Variants in UNC13B observed in about 807,000 individuals in gnomAD.
UNC13B encodes protein unc-13 homolog B.
A neutral mutation model predicts 211.0 loss-of-function variants in UNC13B; 144 were observed. The ratio of observed to expected loss-of-function variants is 0.68; its 90% CI spans 0.60 to 0.78. The LOEUF (loss-of-function observed/expected upper bound fraction) is 0.78. UNC13B is among the 30% of genes least tolerant of loss of function. The probability of loss-of-function intolerance (pLI) is 0.00; values close to 1 mark genes in which losing one functional copy is unlikely to be tolerated. For synonymous variants in UNC13B, 709 were observed against 725.8 expected, an observed-to-expected ratio of 0.98 and a Z score of 0.37; for missense variants, 1,777 against 2,002.0, an observed-to-expected ratio of 0.89 and a Z score of 2.14.
chr9:35,256,840 C>T (rs1429699580), intron 6 of UNC13B, among the ~76,000 whole-genome samples: 1 of 151,972 alleles, frequency 6.6e-6, no homozygotes, highest in East Asian at 1.9e-4. Context: ...ATGAAATTGG[C>T]CTGTAATTTT....
rs1409589422 is a variant in UNC13B, at chr9:35,218,828, C to T, written c.23-9187C>T. ...GCAATGGTGCAATCTTGGCTCACTG[C>T]AGCCTCTGCTTCCCGGGTTCAAGTG... On this transcript the variant is annotated intron_variant, in intron 1 of 39. Coordinates refer to ENST00000635942, the MANE Select transcript of UNC13B (RefSeq NM_001371189.2). Among the ~76,000 whole-genome samples, 6 of 151,988 alleles carry T rather than the reference C, an allele frequency of 3.9e-5. No individual in the cohort carries two copies. The South Asian group carries it at 1.0e-3, about 26-fold the overall frequency.
At chr9:35,192,093 A>G (rs1822690908) in intron 1 of UNC13B, among the ~76,000 whole-genome samples, 1 of 152,198 alleles carries the variant, frequency 6.6e-6, no homozygotes, top group Non-Finnish European at 1.5e-5. Flanking sequence ...TTTTGCCCAC[A>G]TGTCAGGCTT....
chr9:35,290,152 T>C (rs961695879), intron 7 of UNC13B, among the ~76,000 whole-genome samples: 2 of 152,094 alleles, frequency 1.3e-5, no homozygotes, highest in African/African-American at 4.8e-5. Flanking sequence ...ATAAAAAATA[T>C]TTTCAATTTT....
chr9:35,176,500 A>G (rs1303804949), intron 1 of UNC13B, among the ~76,000 whole-genome samples: 3 of 152,176 alleles, frequency 2.0e-5, no homozygotes, highest in Non-Finnish European at 2.9e-5. Flanking sequence ...GTGAGCTGAA[A>G]TCGCACCACT....
chr9:35,203,692 G>C lies in UNC13B; in HGVS notation c.23-24323G>C, dbSNP rs547849728. Among the ~76,000 whole-genome samples the C allele has an allele frequency of 4.6e-5, 7 of 152,340 alleles. No individual in the cohort carries two copies. In the East Asian group the frequency reaches 9.6e-4, roughly 21 times the overall value. On this transcript the variant is annotated intron_variant, in intron 1 of 39. Transcript: ENST00000635942. ...TTCCAACCAGCAGAGTATTCAAGAT[G>C]TGGCCTGGCTGCTTCTAACAGCCTG...
intron 7 of UNC13B, among the ~76,000 whole-genome samples, chr9:35,281,338 C>A (rs1236475318): frequency 2.0e-5 from 3 of 149,460 alleles, no homozygotes; most frequent in African/African-American, 7.4e-5. Context: ...ATTGCTTGAA[C>A]GCTAGGGGCA....
intron 1 of UNC13B, among the ~76,000 whole-genome samples, chr9:35,209,641 G>C (rs1823857613): frequency 1.3e-5 from 2 of 152,340 alleles, no homozygotes; most frequent in Middle Eastern, 6.8e-3. Flanking sequence ...GCCTCCCAAA[G>C]TGCTGGGATT....
At chr9:35,315,419 T>TTG (rs1394984065) in intron 11 of UNC13B, among the ~76,000 whole-genome samples, 1 of 152,154 alleles carries the variant, frequency 6.6e-6, no homozygotes, top group Non-Finnish European at 1.5e-5. Context: ...GCAAAAACAG[T>TTG]AAAGAACTAC....
chr9:35,226,325 A>G (rs989919599), intron 1 of UNC13B, among the ~76,000 whole-genome samples: 7 of 152,130 alleles, frequency 4.6e-5, no homozygotes, highest in Non-Finnish European at 1.0e-4. Flanking sequence ...GTATTAGTCA[A>G]GGTTCTCTAA....
chr9:35,389,154 G>A (rs926711160), intron 24 of UNC13B, among the ~76,000 whole-genome samples: 4 of 152,030 alleles, frequency 2.6e-5, no homozygotes, highest in Non-Finnish European at 4.4e-5. Flanking sequence ...CCTCCCTGTG[G>A]TGACTCCTAC....
chr9:35,379,561 T>C (rs1277398184), intron 17 of UNC13B, among the ~76,000 whole-genome samples: 1 of 152,260 alleles, frequency 6.6e-6, no homozygotes, highest in Non-Finnish European at 1.5e-5. Context: ...GAATAGTTCC[T>C]GCTTGAATTC....
At chr9:35,178,885 CAAAAA>C (rs35487632) in intron 1 of UNC13B, among the ~76,000 whole-genome samples, 3 of 61,118 alleles carry the variant, frequency 4.9e-5, no homozygotes, top group African/African-American at 6.5e-5. Flanking sequence ...GAGACAGCCT[CAAAAA>C]AAAAAAAAAA....
chr9:35,273,292 T>C (rs1330002173), intron 7 of UNC13B, among the ~76,000 whole-genome samples: 1 of 152,186 alleles, frequency 6.6e-6, no homozygotes, highest in Admixed American at 6.5e-5. Context: ...AAGAATTTCT[T>C]TTACCAGCAT....
intron 11 of UNC13B, among the ~76,000 whole-genome samples, chr9:35,349,864 A>C (rs1832606162): frequency 6.6e-6 from 1 of 152,188 alleles, no homozygotes; most frequent in Admixed American, 6.5e-5. Flanking sequence ...CTTTCCTGAA[A>C]ATGGGTTGCC....
intron 9 of UNC13B, among the ~76,000 whole-genome samples, chr9:35,310,109 C>A (rs1291063424): frequency 1.3e-5 from 2 of 152,202 alleles, no homozygotes; most frequent in African/African-American, 4.8e-5. Context: ...ATCACAGCCA[C>A]TGGACAAGCT....
At chr9:35,316,428 G>A (rs1830457841) in intron 11 of UNC13B, among the ~76,000 whole-genome samples, 2 of 152,112 alleles carry the variant, frequency 1.3e-5, no homozygotes, top group East Asian at 3.9e-4. Context: ...TAATGTTTTA[G>A]TAATTATTGA....
intron 26 of UNC13B, 74 bp from the exon 27 acceptor site, chr9:35,396,402 T>G: frequency 6.3e-7 from 1 of 1,592,440 alleles, no homozygotes; most frequent in Non-Finnish European, 8.6e-7. Context: ...TGACCAGATC[T>G]GCTGCCTTGG....
intron 1 of UNC13B, among the ~76,000 whole-genome samples, chr9:35,218,755 T>C (rs1178231157): frequency 6.9e-6 from 1 of 144,850 alleles, no homozygotes; most frequent in African/African-American, 2.5e-5. Flanking sequence ...TTCTTTTCTC[T>C]TTTTTCTTTT....
At chr9:35,196,746 A>G (rs116849520) in intron 1 of UNC13B, among the ~76,000 whole-genome samples, 25 of 152,266 alleles carry the variant, frequency 1.6e-4, no homozygotes, top group Admixed American at 4.6e-4. Flanking sequence ...CTCTGAAAAT[A>G]CTACTTTTTA....
Sources: allele counts gnomAD v4.1 joint callset (sites outside exome capture counted in the v4.1 genomes callset), GRCh38; gene constraint gnomAD v4.1.1; transcripts MANE v1.5; gene names NCBI Gene and HGNC (gene_info 2026-07-23, HGNC 2026-07-21).